Variants in MTHFD1L observed in about 807,000 individuals in gnomAD.
MTHFD1L encodes the protein methylenetetrahydrofolate dehydrogenase (NADP+ dependent) 1 like.
MTHFD1L carries 81 observed loss-of-function variants against 119.5 expected under a neutral mutation model. That is an observed-to-expected ratio of 0.68 (90% CI 0.57 to 0.82). The LOEUF is 0.82. MTHFD1L is among the 40% of genes least tolerant of loss of function. MTHFD1L has a pLI of 0.00. For missense variants in MTHFD1L, 1,125 were observed against 1,253.4 expected (o/e 0.90, Z 1.55); for synonymous variants, 430 against 475.2 (o/e 0.90, Z 1.24).
At chr6:151,066,995 A>ATT (rs36035374) in intron 26 of MTHFD1L, among the ~76,000 whole-genome samples, 10,673 of 138,510 alleles carry the variant, frequency 0.077, 490 homozygotes, top group South Asian at 0.16. Flanking sequence ...TATCAATTTG[A>ATT]TTTTTTTTTT....
At position 150,985,397 on chromosome 6, in the gene MTHFD1L, C is replaced by CA. The variant is rs1778139184; in HGVS notation, c.2125+13339_2125+13340insA. On this transcript the variant is annotated intron_variant, in intron 20 of 27. Transcript: ENST00000367321. ...TGTTTTGAAAACTCTCCTTTGAGGT[C>CA]GGGCACAGTGGCTCATGCCTGTAAT... 2.0e-5 allele frequency among the ~76,000 whole-genome samples: 3 copies of CA among 152,074 alleles called. No homozygotes were observed. In the East Asian group the frequency reaches 5.8e-4, roughly 29 times the overall value.
chr6:150,955,783 A>G (rs1027610092), intron 16 of MTHFD1L, among the ~76,000 whole-genome samples: 3 of 152,144 alleles, frequency 2.0e-5, no homozygotes, highest in Non-Finnish European at 4.4e-5. Flanking sequence ...TACAGGCGTG[A>G]GCCACTGTGC....
rs151031275 is a variant in MTHFD1L at position 150,952,720 on chromosome 6, G to A, written c.1727-3275G>A. ...AATTTTTGTATTTTTAGTAGAGACG[G>A]GGTTTCATCGTGTTGGCCAGGATGG... On this transcript the variant is annotated intron_variant, in intron 16 of 27. Transcript: ENST00000367321. Among the ~76,000 whole-genome samples, 76 of 152,232 alleles carry A rather than the reference G, an allele frequency of 5.0e-4. 2 individuals carry two copies. The highest frequency in any genetic ancestry group is 2.5e-4 in the Non-Finnish European group (17 of 68,022).
chr6:150,973,202 A>G (rs142025269), intron 20 of MTHFD1L, among the ~76,000 whole-genome samples: 122 of 152,368 alleles, frequency 8.0e-4, no homozygotes, highest in African/African-American at 2.7e-3. Flanking sequence ...TTATTAGAAG[A>G]GAGTGTGCTG....
chr6:150,987,785 C>T (rs535243421), intron 20 of MTHFD1L, among the ~76,000 whole-genome samples: 4 of 152,320 alleles, frequency 2.6e-5, no homozygotes, highest in Admixed American at 2.0e-4. Context: ...CTTCTGGTAG[C>T]TGAATGACTT....
intron 26 of MTHFD1L, among the ~76,000 whole-genome samples, chr6:151,064,059 T>TGAGA (rs1221995930): frequency 6.6e-6 from 1 of 152,190 alleles, no homozygotes; most frequent in Non-Finnish European, 1.5e-5. Flanking sequence ...ACTCACAGAT[T>TGAGA]GAGAGCTTCT....
At chr6:150,877,556 A>G (rs572761504) in intron 2 of MTHFD1L, 78 bp from the exon 3 acceptor site, 1 of 1,497,738 alleles carries the variant, frequency 6.7e-7, no homozygotes, top group African/African-American at 1.4e-5. Context: ...ATCTGTAATC[A>G]CAAAATTCAT....
At position 150,949,150 on chromosome 6, in the gene MTHFD1L, T is replaced by C. The variant is rs1281227743; in HGVS notation, c.1726+17T>C. On this transcript the variant is annotated intron_variant, in intron 16 of 27. Transcript: ENST00000367321. ...GGCAGAGAGGTGGGTGCTGGGGAGA[T>C]GCCAGCAGGCTGATGGCCAGGTGGG... The C allele has an allele frequency of 1.2e-6, 2 of 1,607,536 alleles. No individual in the cohort carries two copies. The highest frequency in any genetic ancestry group is 3.3e-5 in the Admixed American group (2 of 59,942).
At chr6:150,970,920 C>T (rs971001482) in intron 19 of MTHFD1L, among the ~76,000 whole-genome samples, 10 of 152,152 alleles carry the variant, frequency 6.6e-5, no homozygotes, top group African/African-American at 2.2e-4. Flanking sequence ...TAATTTCCTC[C>T]GTGGCCCTGA....
chr6:150,876,342 C>T lies in MTHFD1L; in HGVS notation c.312+168C>T, dbSNP rs551938195. Among the ~76,000 whole-genome samples the T allele has an allele frequency of 6.6e-5, 10 of 152,238 alleles. No individual in the cohort carries two copies. In the East Asian group the frequency reaches 1.7e-3, roughly 26 times the overall value. On this transcript the variant is annotated intron_variant, in intron 2 of 27. Transcript: ENST00000367321. ...CTTTGGGGTCACGGGTGAAGTACTG[C>T]CCTGCTTGAGTGTGTCTTCTTTTGT...
chr6:151,040,032 A>AG (rs2128547835), intron 26 of MTHFD1L, among the ~76,000 whole-genome samples: 1 of 152,326 alleles, frequency 6.6e-6, no homozygotes, highest in South Asian at 2.1e-4. Flanking sequence ...GCCTTGGCTT[A>AG]GGGATAAGAG....
At chr6:151,033,950 C>T (rs1325722183) in intron 24 of MTHFD1L, among the ~76,000 whole-genome samples, 2 of 151,976 alleles carry the variant, frequency 1.3e-5, no homozygotes, top group Non-Finnish European at 2.9e-5. Context: ...CCGAGGTGGA[C>T]AGTTTGCTTG....
chr6:151,064,063 A>G (rs1790942402), intron 26 of MTHFD1L, among the ~76,000 whole-genome samples: 1 of 152,162 alleles, frequency 6.6e-6, no homozygotes, highest in Non-Finnish European at 1.5e-5. Flanking sequence ...ACAGATTGAG[A>G]GCTTCTCAAA....
rs1174684492 is a variant in MTHFD1L at position 151,042,425 on chromosome 6, T to G, written c.2847+5308T>G. ...TTGATATGGGAAGAAACAAGCAAGT[T>G]GTTTTTTAAGGTTTTCCAACCCTAT... On this transcript the variant is annotated intron_variant, in intron 26 of 27. Coordinates refer to ENST00000367321, the MANE Select transcript of MTHFD1L (RefSeq NM_015440.5). 5.9e-5 allele frequency among the ~76,000 whole-genome samples: 9 copies of G among 152,366 alleles called. No homozygotes were observed. In the East Asian group the frequency reaches 7.7e-4, roughly 13 times the overall value.
chr6:150,982,370 C>T (rs1030577266), intron 20 of MTHFD1L, among the ~76,000 whole-genome samples: 3 of 152,124 alleles, frequency 2.0e-5, no homozygotes, highest in African/African-American at 7.2e-5. Context: ...CACTGTGATC[C>T]AAAAAGCCTC....
chr6:151,064,456 G>A (rs1790999513), intron 26 of MTHFD1L, among the ~76,000 whole-genome samples: 1 of 151,960 alleles, frequency 6.6e-6, no homozygotes, highest in South Asian at 2.1e-4. Flanking sequence ...TGGGATTACA[G>A]GTGCCTGCCA....
chr6:150,927,943 A>G (rs1790325531), intron 11 of MTHFD1L, among the ~76,000 whole-genome samples: 1 of 152,164 alleles, frequency 6.6e-6, no homozygotes, highest in African/African-American at 2.4e-5. Flanking sequence ...TAATTTGAAC[A>G]TAGAATAGGG....
intron 7 of MTHFD1L, chr6:150,898,899 G>A (rs962053731): frequency 1.5e-5 from 11 of 747,008 alleles, no homozygotes; most frequent in Admixed American, 4.2e-5. Flanking sequence ...GTGCAGGCGC[G>A]TGATCTAGGC....
intron 27 of MTHFD1L, among the ~76,000 whole-genome samples, chr6:151,093,289 C>T (rs73622486): frequency 0.067 from 10,259 of 152,236 alleles, 1,125 homozygotes; most frequent in African/African-American, 0.23. Flanking sequence ...TGTGTCTTCA[C>T]ATGATGTTCA....
Sources: allele counts gnomAD v4.1 joint callset (sites outside exome capture counted in the v4.1 genomes callset), GRCh38; gene constraint gnomAD v4.1.1; transcripts MANE v1.5; gene names NCBI Gene and HGNC (gene_info 2026-07-23, HGNC 2026-07-21).